The following PDE4D variants were observed in gnomAD, a reference collection of about 807,000 sequenced individuals.
The protein encoded by PDE4D is phosphodiesterase 4D.
Under a neutral mutation model 87.4 loss-of-function variants are expected in PDE4D, and 24 were observed. That is an observed-to-expected ratio of 0.27 (90% CI 0.20 to 0.39). The LOEUF (loss-of-function observed/expected upper bound fraction) is 0.39. Among genes scored for constraint, PDE4D ranks in the 10% least tolerant of loss-of-function variants. PDE4D has a pLI of 1.00. For synonymous variants in PDE4D, 384 were observed against 383.2 expected (o/e 1.00, Z -0.02); for missense variants, 714 against 1,041.0 (o/e 0.69, Z 4.32).
At chr5:59,631,941 C>T (rs1040718509) in intron 1 of PDE4D, among the ~76,000 whole-genome samples, 4 of 152,164 alleles carry the variant, frequency 2.6e-5, no homozygotes, top group Non-Finnish European at 4.4e-5. Flanking sequence ...GCCAAGGGGT[C>T]TTGCTCAGTG....
upstream of PDE4D, among the ~76,000 whole-genome samples, chr5:59,897,194 G>A (rs1244027969): frequency 1.3e-5 from 2 of 152,176 alleles, no homozygotes; most frequent in African/African-American, 4.8e-5. Flanking sequence ...CATGCATTAT[G>A]TCATTACCAC....
chr5:59,405,943 T>C (rs775283999), intron 1 of PDE4D, among the ~76,000 whole-genome samples: 2 of 152,208 alleles, frequency 1.3e-5, no homozygotes, highest in Non-Finnish European at 2.9e-5. Context: ...AGTATTTTGT[T>C]GAGGATTTCT....
intron 5 of PDE4D, among the ~76,000 whole-genome samples, chr5:59,079,388 T>TA (rs905276956): frequency 1.9e-4 from 29 of 152,230 alleles, no homozygotes; most frequent in African/African-American, 5.5e-4. Context: ...GTAGCCACTG[T>TA]AAAAAAATGT....
chr5:60,021,880 A>G (rs1019958134), intron 2 of PDE4D: 1 of 152,084 alleles, frequency 6.6e-6, no homozygotes, highest in African/African-American at 2.4e-5. Flanking sequence ...TTTTTACCTT[A>G]ATTTTATTTT....
intron 2 of PDE4D, among the ~76,000 whole-genome samples, chr5:60,173,998 T>C (rs1783702856): frequency 6.6e-6 from 1 of 152,082 alleles, no homozygotes; most frequent in African/African-American, 2.4e-5. Context: ...GTAAATATAA[T>C]AGAAAATATT....
chr5:59,256,373 A>C (rs1760964257), intron 1 of PDE4D, among the ~76,000 whole-genome samples: 1 of 152,052 alleles, frequency 6.6e-6, no homozygotes, highest in South Asian at 2.1e-4. Context: ...AATAGGCATG[A>C]ATTTGTTTGA....
At chr5:59,672,212 A>G (rs905124604) in intron 1 of PDE4D, among the ~76,000 whole-genome samples, 1 of 152,194 alleles carries the variant, frequency 6.6e-6, no homozygotes, top group Admixed American at 6.5e-5. Context: ...AGTTGGATTT[A>G]TACTTCTCTT....
intron 1 of PDE4D, among the ~76,000 whole-genome samples, chr5:60,199,431 T>C (rs1741646766): frequency 6.6e-6 from 1 of 151,666 alleles, no homozygotes; most frequent in Admixed American, 6.6e-5. Context: ...TTCAAAATGG[T>C]GATAAGGGAT....
intron 1 of PDE4D, among the ~76,000 whole-genome samples, chr5:59,634,938 T>A (rs76991779): frequency 6.6e-6 from 1 of 152,022 alleles, no homozygotes; most frequent in African/African-American, 2.4e-5. Flanking sequence ...AAAAAATCAA[T>A]GAATCCAGGA....
chr5:59,033,213 C>T (rs969905140), intron 6 of PDE4D, among the ~76,000 whole-genome samples: 4 of 152,154 alleles, frequency 2.6e-5, no homozygotes, highest in African/African-American at 9.7e-5. Context: ...ATGGACGCAG[C>T]AGAATTGTTT....
intron 6 of PDE4D, among the ~76,000 whole-genome samples, chr5:59,018,133 T>G (rs953923681): frequency 6.6e-6 from 1 of 152,234 alleles, no homozygotes; most frequent in African/African-American, 2.4e-5. Context: ...AAACTTGTTA[T>G]AAGGAAAGCA....
chr5:59,291,735 G>A (rs27182), intron 1 of PDE4D, among the ~76,000 whole-genome samples: 91,630 of 145,378 alleles, frequency 0.63, 29,387 homozygotes, highest in East Asian at 0.75. Context: ...AAAGTAAAAA[G>A]AAGTTTTTTT....
At chr5:60,039,155 C>T (rs1277090558) in intron 2 of PDE4D, among the ~76,000 whole-genome samples, 35 of 151,826 alleles carry the variant, frequency 2.3e-4, no homozygotes, top group Non-Finnish European at 2.2e-4. Flanking sequence ...TATTGTGGCA[C>T]TATTCACAAT....
At chr5:59,158,180 G>A (rs1348530007) in intron 5 of PDE4D, among the ~76,000 whole-genome samples, 2 of 152,120 alleles carry the variant, frequency 1.3e-5, no homozygotes, top group African/African-American at 2.4e-5. Flanking sequence ...GAATGAAGAC[G>A]ATTGCCTTCT....
At chr5:59,908,040 A>G (rs1753024135) in intron 3 of PDE4D, among the ~76,000 whole-genome samples, 1 of 152,016 alleles carries the variant, frequency 6.6e-6, no homozygotes, top group Non-Finnish European at 1.5e-5. Flanking sequence ...AGTTATTTGC[A>G]CTGAACTGAA....
At chr5:59,199,257 CTTT>C (rs34049029) in intron 2 of PDE4D, among the ~76,000 whole-genome samples, 10 of 141,870 alleles carry the variant, frequency 7.0e-5, no homozygotes, top group Admixed American at 7.0e-5. Flanking sequence ...GAATCTAATC[CTTT>C]TTTTTTTTTT....
intron 2 of PDE4D, among the ~76,000 whole-genome samples, chr5:60,148,177 T>C (rs1781181091): frequency 6.6e-6 from 1 of 152,160 alleles, no homozygotes; most frequent in Non-Finnish European, 1.5e-5. Flanking sequence ...CCTAACTTTT[T>C]TGGGGGTGGG....
chr5:59,292,529 C>A (rs969696173), intron 1 of PDE4D, among the ~76,000 whole-genome samples: 7 of 152,078 alleles, frequency 4.6e-5, no homozygotes, highest in Admixed American at 4.6e-4. Context: ...CTCATTTAAC[C>A]AATGACTGGC....
intron 2 of PDE4D, among the ~76,000 whole-genome samples, chr5:59,209,835 T>C (rs1412341980): frequency 6.6e-6 from 1 of 152,230 alleles, no homozygotes; most frequent in Non-Finnish European, 1.5e-5. Flanking sequence ...GAAAGGAATA[T>C]CATGGTCTTA....
Sources: allele counts gnomAD v4.1 joint callset (sites outside exome capture counted in the v4.1 genomes callset), GRCh38; gene constraint gnomAD v4.1.1; transcripts MANE v1.5; gene names NCBI Gene and HGNC (gene_info 2026-07-23, HGNC 2026-07-21).